The following KLRB1 variants were observed in gnomAD, a reference collection of about 807,000 sequenced individuals.
The protein encoded by KLRB1 is killer cell lectin-like receptor subfamily B member 1.
KLRB1 carries 27 observed loss-of-function variants against 33.5 expected under a neutral mutation model. The ratio of observed to expected loss-of-function variants is 0.81; its 90% CI spans 0.59 to 1.11. The LOEUF (loss-of-function observed/expected upper bound fraction) is 1.11. Ranked by LOEUF, KLRB1 falls within the 50% of genes most tolerant of loss-of-function variation. KLRB1 has a pLI of 0.00. For synonymous variants in KLRB1, 64 were observed against 88.9 expected, an observed-to-expected ratio of 0.72 and a Z score of 1.58; for missense variants, 241 against 254.1, an observed-to-expected ratio of 0.95 and a Z score of 0.35.
At chr12:9,601,235 C>T (rs35181877) in intron 2 of KLRB1, among the ~76,000 whole-genome samples, 9 of 147,984 alleles carry the variant, frequency 6.1e-5, no homozygotes, top group Admixed American at 1.4e-4. Context: ...ATCCCCCTCT[C>T]GAGAAACACC....
chr12:9,601,303 T>C (rs1864538747), intron 2 of KLRB1, among the ~76,000 whole-genome samples, 198 bp downstream of exon 2: 1 of 151,276 alleles, frequency 6.6e-6, no homozygotes, highest in Non-Finnish European at 1.5e-5. Flanking sequence ...CTCCATATGC[T>C]GAACGCTGGT....
At chr12:9,598,362 A>G (rs995540648) in intron 4 of KLRB1, 137 bp downstream of exon 4, 1 of 759,036 alleles carries the variant, frequency 1.3e-6, no homozygotes. Flanking sequence ...ATTTGTTTAC[A>G]TATCCATGTA....
intron 2 of KLRB1, 136 bp from the exon 3 acceptor site, chr12:9,599,977 TG>T: frequency 2.6e-6 from 1 of 384,384 alleles, no homozygotes; most frequent in Non-Finnish European, 4.4e-6. Context: ...ATTAGCGAAG[TG>T]GTAAAAAAAA....
chr12:9,602,860 A>G (rs1864560059), intron 1 of KLRB1, among the ~76,000 whole-genome samples: 1 of 152,152 alleles, frequency 6.6e-6, no homozygotes, highest in African/African-American at 2.4e-5. Context: ...CCATGAAGCC[A>G]TTTCTACTTT....
At chr12:9,607,490 G>A (rs991634309) in intron 1 of KLRB1, among the ~76,000 whole-genome samples, 8 of 150,866 alleles carry the variant, frequency 5.3e-5, no homozygotes, top group Non-Finnish European at 1.2e-4. Flanking sequence ...GTAGCCTAAA[G>A]TGTTCAGAGT....
chr12:9,596,707 A>G (rs971481953), intron 5 of KLRB1, among the ~76,000 whole-genome samples: 23 of 152,326 alleles, frequency 1.5e-4, no homozygotes, highest in Non-Finnish European at 1.9e-4. Context: ...TCACATTTCA[A>G]TGTTTTCAAA....
intron 1 of KLRB1, among the ~76,000 whole-genome samples, chr12:9,602,048 G>A (rs777133791): frequency 3.9e-5 from 6 of 152,150 alleles, no homozygotes; most frequent in Admixed American, 6.5e-5. Flanking sequence ...GTTAGGTGCT[G>A]GTGGTATACA....
chr12:9,599,381 G>A (rs1330263083), intron 3 of KLRB1, among the ~76,000 whole-genome samples: 5 of 152,124 alleles, frequency 3.3e-5, no homozygotes, highest in African/African-American at 9.7e-5. Context: ...ATAATAAATA[G>A]TAAAGAATTC....
At chr12:9,602,931 C>T (rs370232191) in intron 1 of KLRB1, among the ~76,000 whole-genome samples, 58 of 152,286 alleles carry the variant, frequency 3.8e-4, no homozygotes, top group African/African-American at 1.3e-3. Context: ...CTGATAATCT[C>T]TCACATTAGG....
chr12:9,595,233 A>G lies in KLRB1; in HGVS notation c.*41T>C. 1 of 1,581,982 alleles carries G rather than the reference A, an allele frequency of 6.3e-7. No homozygotes were observed. Among genetic ancestry groups the G allele is most frequent in the East Asian group, 2.2e-5 (1 of 44,590 alleles). On this transcript the variant is annotated 3_prime_UTR_variant, in exon 6 of 6. Transcript: ENST00000229402. The stretch of plus-strand genomic sequence containing the variant: ...AGTATGTGCAGCTACAAGTACAGAG[A>G]TCAGTAATGGGAAGCAAATAAATTG...
intron 1 of KLRB1, among the ~76,000 whole-genome samples, chr12:9,604,051 T>G (rs1262228698): frequency 6.6e-6 from 1 of 151,958 alleles, no homozygotes; most frequent in African/African-American, 2.4e-5. Flanking sequence ...AAAAGGCAAC[T>G]TGGTGACTTT....
chr12:9,603,514 T>C (rs1864566484), intron 1 of KLRB1, among the ~76,000 whole-genome samples: 1 of 151,942 alleles, frequency 6.6e-6, no homozygotes, highest in South Asian at 2.1e-4. Flanking sequence ...AACCTCCGCC[T>C]CCCAGGTTCA....
At chr12:9,597,066 T>G (rs1339040089) in intron 5 of KLRB1, among the ~76,000 whole-genome samples, 1 of 152,150 alleles carries the variant, frequency 6.6e-6, no homozygotes, top group Non-Finnish European at 1.5e-5. Flanking sequence ...TGTCAAAACT[T>G]TGCTGATTGA....
At chr12:9,607,388 C>CTTTCT (rs1864629833) in intron 1 of KLRB1, among the ~76,000 whole-genome samples, 1 of 86,798 alleles carries the variant, frequency 1.2e-5, no homozygotes, top group African/African-American at 3.8e-5. Flanking sequence ...TTCTTTCTTT[C>CTTTCT]TTTCTTTCTT....
chr12:9,607,415 T>TTCTTTCTTTCTTTTTTTTCTTTTTG (rs1555097888), intron 1 of KLRB1, among the ~76,000 whole-genome samples: 1 of 103,194 alleles, frequency 9.7e-6, no homozygotes, highest in Non-Finnish European at 2.1e-5. Flanking sequence ...TTTTCTTTCT[T>TTCTTTCTTTCTTTTTTTTCTTTTTG]TCTTTCTTTC....
chr12:9,601,343 A>G (rs745765568), intron 2 of KLRB1, among the ~76,000 whole-genome samples, 158 bp downstream of exon 2: 4 of 151,486 alleles, frequency 2.6e-5, no homozygotes, highest in South Asian at 4.2e-4. Context: ...CTTTCTCTAT[A>G]CTTTGTCTCT....
rs1864481857 is a variant in KLRB1, at chr12:9,595,206, A to G, written c.*68T>C. Reference sequence around the variant, plus strand: ...AATGTGGCACTATTAGGTAGTACCAATAGTATGTGCAGCTACAAGTACAGA... The same window carrying G: ...AATGTGGCACTATTAGGTAGTACCAGTAGTATGTGCAGCTACAAGTACAGA... On this transcript the variant is annotated 3_prime_UTR_variant, in exon 6 of 6. Coordinates refer to ENST00000229402, the MANE Select transcript of KLRB1 (RefSeq NM_002258.3). 2.2e-6 allele frequency: 3 copies of G among 1,393,738 alleles called. No individual in the cohort carries two copies. Among genetic ancestry groups the G allele is most frequent in the African/African-American group, 1.4e-5 (1 of 70,220 alleles). The allele number at this position is 1,393,738 out of a possible 1,614,324, so 86.3% of individuals were successfully genotyped here. A position where few individuals can be genotyped will look rare whatever the true frequency, so the allele number is the denominator to read the frequency against.
Position 9,598,557 on chromosome 12 carries a change from A to G in KLRB1, c.356T>C (p.Leu119Pro), listed in dbSNP as rs1387979151. The G allele has an allele frequency of 2.5e-6, 4 of 1,613,220 alleles. No individual in the cohort carries two copies. The highest frequency in any genetic ancestry group is 3.4e-6 in the Non-Finnish European group (4 of 1,179,400). ...GGATTCTTTGGTGGAACAATCAGCT[A>G]GACTGTTATTCCAAGGGTTGACAGT... ...SHTVNPWNNS[L>P]ADCSTKESSL... Residue 119 changes from leucine to proline, a missense_variant, in exon 4 of 6, where the codon CTA becomes CCA. Leu to Pro is a moderately conservative substitution (Grantham distance 98, BLOSUM62 -3). Coordinates refer to ENST00000229402, the MANE Select transcript of KLRB1 (RefSeq NM_002258.3).
intron 1 of KLRB1, among the ~76,000 whole-genome samples, chr12:9,607,355 C>CTTCCTTTCTCTCTTTCTTT (rs1555097796): frequency 1.9e-5 from 1 of 52,706 alleles, no homozygotes; most frequent in Admixed American, 2.6e-4. Flanking sequence ...TTTCTTTCTT[C>CTTCCTTTCTCTCTTTCTTT]CTTTCTTTCT....
Sources: gnomAD v4.1 joint callset for allele counts (sites outside exome capture counted in the v4.1 genomes callset) on GRCh38, gnomAD v4.1.1 for gene constraint, MANE v1.5 for transcripts, NCBI Gene and HGNC (gene_info 2026-07-23, HGNC 2026-07-21) for gene names.